BMS1: variants seen among roughly 807,000 people sequenced by gnomAD.
BMS1 encodes BMS1 ribosome biogenesis factor.
A neutral mutation model predicts 138.7 loss-of-function variants in BMS1; 53 were observed. The observed-to-expected ratio is 0.38, with a 90% CI of 0.31 to 0.48. The LOEUF (loss-of-function observed/expected upper bound fraction) is 0.48. BMS1 is among the 20% of genes least tolerant of loss of function. The pLI is 0.97. For missense variants in BMS1, 1,360 were observed against 1,565.5 expected, an observed-to-expected ratio of 0.87 and a Z score of 2.22; for synonymous variants, 504 against 539.9, an observed-to-expected ratio of 0.93 and a Z score of 0.92.
intron 12 of BMS1, among the ~76,000 whole-genome samples, chr10:42,799,227 A>G (rs1241747610): frequency 6.6e-6 from 1 of 152,098 alleles, no homozygotes; most frequent in Non-Finnish European, 1.5e-5. Context: ...CTCCCACCTC[A>G]GCCTCCAGAG....
intron 8 of BMS1, among the ~76,000 whole-genome samples, chr10:42,793,557 C>A (rs771939478): frequency 6.6e-6 from 1 of 152,060 alleles, no homozygotes; most frequent in Non-Finnish European, 1.5e-5. Context: ...GGGTTAAAAT[C>A]GGCTTATTTT....
intron 3 of BMS1, among the ~76,000 whole-genome samples, chr10:42,786,022 A>T (rs934600616): frequency 6.6e-6 from 1 of 152,168 alleles, no homozygotes; most frequent in African/African-American, 2.4e-5. Flanking sequence ...TCTTAAGGTG[A>T]TGCTTTCCTT....
intron 13 of BMS1, among the ~76,000 whole-genome samples, chr10:42,805,620 A>G (rs1841990490): frequency 6.6e-6 from 1 of 152,238 alleles, no homozygotes; most frequent in South Asian, 2.1e-4. Flanking sequence ...CTATGAACAT[A>G]GTAACTCTCC....
At chr10:42,819,813 A>T (rs545473936) in intron 15 of BMS1, among the ~76,000 whole-genome samples, 2 of 152,018 alleles carry the variant, frequency 1.3e-5, no homozygotes, top group Admixed American at 1.3e-4. Flanking sequence ...GTTTTTTGAG[A>T]TGGAATCTCG....
intron 21 of BMS1, among the ~76,000 whole-genome samples, chr10:42,829,761 G>T (rs548567092): frequency 6.6e-6 from 1 of 152,144 alleles, no homozygotes; most frequent in African/African-American, 2.4e-5. Context: ...GGTGGAGGTT[G>T]CATGAGCCGA....
intron 11 of BMS1, among the ~76,000 whole-genome samples, chr10:42,797,915 A>G (rs1841740772): frequency 6.6e-6 from 1 of 152,146 alleles, no homozygotes. Flanking sequence ...CTCTGATTTT[A>G]TGCTTTACTA....
chr10:42,808,251 C>T (rs1336143382), intron 13 of BMS1, among the ~76,000 whole-genome samples: 1 of 150,200 alleles, frequency 6.7e-6, no homozygotes, highest in Non-Finnish European at 1.5e-5. Flanking sequence ...GGGCCTTTCA[C>T]AGAGCAGAAG....
intron 13 of BMS1, among the ~76,000 whole-genome samples, chr10:42,805,755 AT>A (rs544469556): frequency 1.1e-3 from 159 of 150,474 alleles, no homozygotes; most frequent in South Asian, 2.1e-3. Context: ...AATGCAGTTG[AT>A]TTTTTTTTTA....
At chr10:42,820,880 C>T in intron 17 of BMS1, 54 bp from the exon 18 acceptor site, 2 of 1,487,454 alleles carry the variant, frequency 1.3e-6, no homozygotes, top group Non-Finnish European at 1.9e-6. Context: ...GTATGTTAAA[C>T]TAGAATCTAA....
At chr10:42,807,680 A>G (rs549184568) in intron 13 of BMS1, among the ~76,000 whole-genome samples, 1 of 152,156 alleles carries the variant, frequency 6.6e-6, no homozygotes, top group East Asian at 1.9e-4. Flanking sequence ...TAGAGACAGG[A>G]TCTTGCTGTG....
At position 42,798,490 on chromosome 10, in the gene BMS1, AGAT is replaced by A. The variant is rs1312645249; in HGVS notation, c.2119_2121del (p.Asp707del). 6.2e-7 allele frequency: 1 copy of A among 1,614,236 alleles called. No individual in the cohort carries two copies. Among genetic ancestry groups the A allele is most frequent in the Non-Finnish European group, 8.5e-7 (1 of 1,180,050 alleles). On this transcript the variant is annotated inframe_deletion, in exon 12 of 23. Coordinates refer to ENST00000374518, the MANE Select transcript of BMS1 (RefSeq NM_014753.4). Reference sequence around the variant, plus strand: ...TAGTGACAGAAGATAATGAAGAAGAAGATGATGATACTCTAGAAGAGCTTGGAG... The same window carrying A: ...TAGTGACAGAAGATAATGAAGAAGAAGATGATACTCTAGAAGAGCTTGGAG...
chr10:42,803,828 C>T (rs1037487143), intron 13 of BMS1, among the ~76,000 whole-genome samples: 10 of 152,040 alleles, frequency 6.6e-5, no homozygotes, highest in African/African-American at 2.4e-4. Flanking sequence ...GTGAATATAC[C>T]ATCACCACAA....
chr10:42,831,225 T>C lies in BMS1; in HGVS notation c.*129T>C. On this transcript the variant is annotated 3_prime_UTR_variant, in exon 23 of 23. Coordinates refer to ENST00000374518, the MANE Select transcript of BMS1 (RefSeq NM_014753.4). Reference sequence around the variant, plus strand: ...GAGATGTCTCTACTCAAACTGTGCCTGCAGGAGGAGGAACAGAGAAGCCTG... The same window carrying C: ...GAGATGTCTCTACTCAAACTGTGCCCGCAGGAGGAGGAACAGAGAAGCCTG... The C allele has an allele frequency of 9.9e-7, 1 of 1,005,092 alleles. No individual in the cohort carries two copies. The highest frequency in any genetic ancestry group is 1.4e-6 in the Non-Finnish European group (1 of 694,336). The allele number at this position is 1,005,092 out of a possible 1,614,324, so 62.3% of individuals were successfully genotyped here. A position where few individuals can be genotyped will look rare whatever the true frequency, so the allele number is the denominator to read the frequency against.
chr10:42,797,374 G>A, intron 10 of BMS1, 48 bp from the exon 11 acceptor site: 1 of 1,602,192 alleles, frequency 6.2e-7, no homozygotes, highest in Admixed American at 1.7e-5. Flanking sequence ...TCAAGGGAGG[G>A]GAGACACATG....
At chr10:42,783,594 G>A (rs1296405216) in intron 1 of BMS1, among the ~76,000 whole-genome samples, 24 of 151,452 alleles carry the variant, frequency 1.6e-4, no homozygotes, top group Admixed American at 1.5e-3. Context: ...CAGATTTTAT[G>A]CAGCCCGATT....
intron 15 of BMS1, among the ~76,000 whole-genome samples, chr10:42,819,448 T>G (rs558165536): frequency 2.6e-5 from 4 of 152,190 alleles, no homozygotes; most frequent in African/African-American, 9.6e-5. Flanking sequence ...TAGCCACTCA[T>G]AGCTCCCCTA....
Position 42,797,056 on chromosome 10 carries a change from A to C in BMS1, c.1812A>C (p.Glu604Asp), listed in dbSNP as rs1371756328. The change falls in exon 10 of 23, where the codon GAA becomes GAC. Residue 604 changes from glutamate (E) to aspartate (D), a missense_variant. This residue lies in a region of BMS1 where 697 missense variants were observed against 686.2 expected (regional missense o/e 1.02). Transcript: ENST00000374518. ...SEESSSLSAE[E>D]EDSENEEAIR... The stretch of plus-strand genomic sequence containing the variant: ...AAAGCTCCTCACTCAGTGCAGAGGA[A>C]GAAGACTCAGAAAATGAAGAGGCTA... The C allele has an allele frequency of 3.1e-6, 5 of 1,614,108 alleles. No homozygotes were observed. Among genetic ancestry groups the C allele is most frequent in the Admixed American group, 1.7e-5 (1 of 60,006 alleles).
At chr10:42,797,705 G>C (rs1841733710) in intron 11 of BMS1, among the ~76,000 whole-genome samples, 182 bp downstream of exon 11, 1 of 152,156 alleles carries the variant, frequency 6.6e-6, no homozygotes, top group South Asian at 2.1e-4. Context: ...TTATAAAGTA[G>C]ACTTATGGGT....
At chr10:42,783,242 G>A (rs1841213022) in intron 1 of BMS1, among the ~76,000 whole-genome samples, 1 of 152,126 alleles carries the variant, frequency 6.6e-6, no homozygotes, top group East Asian at 1.9e-4. Context: ...CGGTTTCAAA[G>A]CGTTCCTAGC....
Sources: gnomAD v4.1 joint callset for allele counts (sites outside exome capture counted in the v4.1 genomes callset) on GRCh38, gnomAD v4.1.1 for gene constraint, gnomAD v4.1.1 regional missense constraint, MANE v1.5 for transcripts, NCBI Gene and HGNC (gene_info 2026-07-23, HGNC 2026-07-21) for gene names.